MIPOL1: variants seen among roughly 807,000 people sequenced by gnomAD.
The protein encoded by MIPOL1 is mirror-image polydactyly gene 1 protein.
Under a neutral mutation model 60.9 loss-of-function variants are expected in MIPOL1, and 57 were observed. The ratio of observed to expected loss-of-function variants is 0.94; its 90% CI spans 0.76 to 1.17. The LOEUF is 1.17. Ranked by LOEUF, MIPOL1 falls within the 50% of genes most tolerant of loss-of-function variation. The probability of loss-of-function intolerance (pLI) is 0.00; values close to 1 mark genes in which losing one functional copy is unlikely to be tolerated. For missense variants in MIPOL1, 551 were observed against 511.6 expected (o/e 1.08, Z -0.74); for synonymous variants, 179 against 168.8 (o/e 1.06, Z -0.47).
At chr14:37,364,247 G>A (rs1000286788) in intron 9 of MIPOL1, among the ~76,000 whole-genome samples, 1 of 152,204 alleles carries the variant, frequency 6.6e-6, no homozygotes, top group Non-Finnish European at 1.5e-5. Flanking sequence ...GACTGGAGCT[G>A]TTCCTATTTG....
intron 1 of MIPOL1, among the ~76,000 whole-genome samples, chr14:37,235,662 G>C (rs1971347012): frequency 6.6e-6 from 1 of 152,030 alleles, no homozygotes; most frequent in African/African-American, 2.4e-5. Context: ...TCACAATGTT[G>C]TAGAAACGTT....
chr14:37,377,874 T>C (rs2092820284), intron 10 of MIPOL1, among the ~76,000 whole-genome samples: 1 of 151,726 alleles, frequency 6.6e-6, no homozygotes, highest in African/African-American at 2.4e-5. Context: ...CCAGTATTAC[T>C]GAAGCAGAAT....
rs542154983 is a variant in MIPOL1, at chr14:37,288,917, A to G, written c.623+3470A>G. Among the ~76,000 whole-genome samples, 6 of 152,312 alleles carry G rather than the reference A, an allele frequency of 3.9e-5. No individual in the cohort carries two copies. In the South Asian group the frequency reaches 1.2e-3, roughly 32 times the overall value. On this transcript the variant is annotated intron_variant, in intron 7 of 12. Coordinates refer to ENST00000684589, the MANE Select transcript of MIPOL1 (RefSeq NM_001388067.1). Reference sequence around the variant, plus strand: ...AAAGGGCTTGCATTCCTCAGATAAAAGTTCTTTTCTCATATGAAAGAAAGA... The same window carrying G: ...AAAGGGCTTGCATTCCTCAGATAAAGGTTCTTTTCTCATATGAAAGAAAGA...
intron 9 of MIPOL1, among the ~76,000 whole-genome samples, chr14:37,361,279 A>G (rs2092219759): frequency 6.6e-6 from 1 of 152,156 alleles, no homozygotes; most frequent in South Asian, 2.1e-4. Flanking sequence ...TGGTACTGAG[A>G]AGAATATGTA....
chr14:37,256,717 A>T (rs1037827816), intron 3 of MIPOL1, among the ~76,000 whole-genome samples: 1 of 139,454 alleles, frequency 7.2e-6, no homozygotes, highest in Non-Finnish European at 1.6e-5. Flanking sequence ...TTAAAAAAGC[A>T]GTCTTTGATC....
chr14:37,448,175 A>T lies in MIPOL1; in HGVS notation c.1031+25226A>T, dbSNP rs1250301166. Among the ~76,000 whole-genome samples, 3 of 152,224 alleles carry T rather than the reference A, an allele frequency of 2.0e-5. No individual in the cohort carries two copies. In the East Asian group the frequency reaches 5.8e-4, roughly 29 times the overall value. ...ACTTCAGTCACTGCACTAGTGAGAG[A>T]ACCCCAGTTAGGTGCTAATAGTCCT... On this transcript the variant is annotated intron_variant, in intron 11 of 12. Transcript: ENST00000684589.
intron 11 of MIPOL1, among the ~76,000 whole-genome samples, chr14:37,426,457 T>G (rs527606907): frequency 6.6e-6 from 1 of 150,650 alleles, no homozygotes; most frequent in African/African-American, 2.4e-5. Context: ...TAATCCCAGC[T>G]ACTCAGGAGG....
At chr14:37,538,432 A>G (rs1252675509) in intron 12 of MIPOL1, among the ~76,000 whole-genome samples, 1 of 152,206 alleles carries the variant, frequency 6.6e-6, no homozygotes, top group African/African-American at 2.4e-5. Context: ...TAAGTTAAAA[A>G]CATAAAGAGT....
At chr14:37,440,814 C>G (rs1409607361) in intron 11 of MIPOL1, among the ~76,000 whole-genome samples, 1 of 152,068 alleles carries the variant, frequency 6.6e-6, no homozygotes, top group Admixed American at 6.6e-5. Flanking sequence ...GTAGTTCTGT[C>G]TTAAGTTCTT....
chr14:37,443,865 A>G (rs2094291415), intron 11 of MIPOL1, among the ~76,000 whole-genome samples: 1 of 152,130 alleles, frequency 6.6e-6, no homozygotes. Context: ...TTGAAAATCA[A>G]TGTAATTTAC....
chr14:37,391,522 A>G (rs916204436), intron 10 of MIPOL1, among the ~76,000 whole-genome samples: 1 of 151,612 alleles, frequency 6.6e-6, no homozygotes, highest in Non-Finnish European at 1.5e-5. Context: ...CAGCCTCCCA[A>G]GTAGCTGGGA....
chr14:37,224,563 T>C (rs895257103), intron 1 of MIPOL1, among the ~76,000 whole-genome samples: 9 of 152,262 alleles, frequency 5.9e-5, no homozygotes, highest in Admixed American at 1.3e-4. Context: ...GTGAGACTTA[T>C]TCACTACAAC....
intron 9 of MIPOL1, among the ~76,000 whole-genome samples, chr14:37,315,341 A>G (rs1478943115): frequency 6.6e-6 from 1 of 152,248 alleles, no homozygotes; most frequent in East Asian, 1.9e-4. Flanking sequence ...GAAGATACTT[A>G]TAAGTGATAA....
intron 11 of MIPOL1, among the ~76,000 whole-genome samples, chr14:37,495,351 A>G (rs963077875): frequency 3.5e-5 from 5 of 141,362 alleles, no homozygotes; most frequent in Admixed American, 7.5e-5. Flanking sequence ...TCATTGTTCA[A>G]TTCCCACCTA....
intron 1 of MIPOL1, among the ~76,000 whole-genome samples, chr14:37,208,617 A>G (rs967442927): frequency 1.3e-5 from 2 of 152,152 alleles, no homozygotes; most frequent in African/African-American, 4.8e-5. Context: ...TTTTTGAGAC[A>G]GGGTCTCACT....
intron 11 of MIPOL1, among the ~76,000 whole-genome samples, chr14:37,450,010 G>A (rs1288267622): frequency 1.3e-5 from 2 of 151,802 alleles, no homozygotes; most frequent in African/African-American, 2.4e-5. Flanking sequence ...ACAGGGTTTC[G>A]CCATACTGGC....
At chr14:37,394,644 G>A (rs190690191) in intron 10 of MIPOL1, among the ~76,000 whole-genome samples, 4 of 151,832 alleles carry the variant, frequency 2.6e-5, no homozygotes, top group South Asian at 2.1e-4. Flanking sequence ...GTTTGAGCTC[G>A]TTGTAGATTC....
chr14:37,329,478 T>G (rs2089487388), intron 9 of MIPOL1, among the ~76,000 whole-genome samples: 2 of 152,316 alleles, frequency 1.3e-5, no homozygotes, highest in South Asian at 4.1e-4. Flanking sequence ...CTTTGATTTG[T>G]CATACGAACT....
At chr14:37,478,929 G>C (rs1390892577) in intron 11 of MIPOL1, among the ~76,000 whole-genome samples, 1 of 152,010 alleles carries the variant, frequency 6.6e-6, no homozygotes, top group African/African-American at 2.4e-5. Flanking sequence ...TTATATAATG[G>C]TAAAGAGATC....
Sources: allele counts gnomAD v4.1 joint callset (sites outside exome capture counted in the v4.1 genomes callset), GRCh38; gene constraint gnomAD v4.1.1; transcripts MANE v1.5; gene names NCBI Gene and HGNC (gene_info 2026-07-23, HGNC 2026-07-21).